The following SUMF1 variants were observed in gnomAD, a reference collection of about 807,000 sequenced individuals.
SUMF1 encodes the protein sulfatase modifying factor 1, also known as formylglycine-generating enzyme.
SUMF1 carries 48 observed loss-of-function variants against 47.6 expected under a neutral mutation model. That is an observed-to-expected ratio of 1.01 (90% CI 0.80 to 1.28). The LOEUF is 1.28. Ranked by LOEUF, SUMF1 falls within the 50% of genes most tolerant of loss-of-function variation. SUMF1 has a pLI of 0.00. For missense variants in SUMF1, 571 were observed against 485.4 expected, an observed-to-expected ratio of 1.18 and a Z score of -1.66; for synonymous variants, 230 against 192.1, an observed-to-expected ratio of 1.20 and a Z score of -1.63.
intron 3 of SUMF1, among the ~76,000 whole-genome samples, chr3:4,443,205 T>C (rs1017436326): frequency 6.6e-6 from 1 of 151,804 alleles, no homozygotes; most frequent in African/African-American, 2.4e-5. Flanking sequence ...TTGAGCCCAG[T>C]AGGTGGAGGG....
intron 9 of SUMF1, among the ~76,000 whole-genome samples, chr3:4,055,831 T>A (rs1695183182): frequency 6.6e-6 from 1 of 152,194 alleles, no homozygotes; most frequent in Non-Finnish European, 1.5e-5. Context: ...TTCACTGGGC[T>A]ATAATCAAGG....
intron 8 of SUMF1, among the ~76,000 whole-genome samples, chr3:4,095,056 T>C (rs1258410638): frequency 6.6e-6 from 1 of 152,138 alleles, no homozygotes; most frequent in Non-Finnish European, 1.5e-5. Context: ...AGTAAGGCAT[T>C]TCTAAATAGA....
At chr3:4,461,058 A>G (rs754793787) in intron 1 of SUMF1, among the ~76,000 whole-genome samples, 18 of 152,202 alleles carry the variant, frequency 1.2e-4, no homozygotes, top group Non-Finnish European at 2.1e-4. Flanking sequence ...AGCATGGTGC[A>G]TGGTCCACAG....
chr3:4,172,289 C>T (rs1343148727), intron 8 of SUMF1, among the ~76,000 whole-genome samples: 1 of 151,996 alleles, frequency 6.6e-6, no homozygotes, highest in African/African-American at 2.4e-5. Context: ...TGGTGTCAGT[C>T]CCACAATTAA....
chr3:4,294,191 C>A (rs1476207870), intron 8 of SUMF1, among the ~76,000 whole-genome samples: 1 of 152,072 alleles, frequency 6.6e-6, no homozygotes, highest in Non-Finnish European at 1.5e-5. Flanking sequence ...CTGTCCATAG[C>A]TATACGTAGC....
At chr3:4,316,862 G>C (rs1279382292) in intron 8 of SUMF1, 1 of 1,549,666 alleles carries the variant, frequency 6.5e-7, no homozygotes, top group East Asian at 2.4e-5. Flanking sequence ...TTACATCTGA[G>C]AAGTATGCTC....
At chr3:4,189,521 T>G (rs1695271110) in intron 8 of SUMF1, among the ~76,000 whole-genome samples, 1 of 152,114 alleles carries the variant, frequency 6.6e-6, no homozygotes, top group Non-Finnish European at 1.5e-5. Flanking sequence ...AACAAGATCA[T>G]GCTTAACCTA....
intron 8 of SUMF1, among the ~76,000 whole-genome samples, chr3:4,130,032 C>G (rs574629213): frequency 6.6e-6 from 1 of 152,124 alleles, no homozygotes; most frequent in Non-Finnish European, 1.5e-5. Context: ...AATAGTAAAT[C>G]AAAAACAATA....
intron 8 of SUMF1, among the ~76,000 whole-genome samples, chr3:4,322,314 A>G (rs1698854136): frequency 6.6e-6 from 1 of 152,076 alleles, no homozygotes; most frequent in South Asian, 2.1e-4. Context: ...GTATAATATC[A>G]TAGGTATGTA....
chr3:4,045,388 C>G (rs182911990), intron 9 of SUMF1, among the ~76,000 whole-genome samples: 2 of 151,548 alleles, frequency 1.3e-5, no homozygotes, highest in East Asian at 3.9e-4. Context: ...ATCCACCCAT[C>G]CATCCATCCA....
In SUMF1 at chr3:4,066,753, C is replaced by G. The variant is rs11920545; in HGVS notation, c.1191+1816G>C. Among the ~76,000 whole-genome samples the G allele has an allele frequency of 9.4e-3, 1,432 of 152,286 alleles. 25 individuals are homozygous for G. Among genetic ancestry groups the G allele is most frequent in the African/African-American group, 0.033 (1,374 of 41,554 alleles). ...CTGCAATATAACAAAGCCTTATCCC[C>G]TGGCAAAACTCATTGTTTCAGTGAT... On this transcript the variant is annotated intron_variant and NMD_transcript_variant, in intron 9 of 12. Transcript: ENST00000448413.
rs376667963 is a variant in SUMF1 at position 4,420,054 on chromosome 3, C to T, written c.602+10G>A. On this transcript the variant is annotated intron_variant, in intron 4 of 8. Coordinates refer to ENST00000272902, the MANE Select transcript of SUMF1 (RefSeq NM_182760.4). ...AACTTGTCAACTGGGGAAAGAGGGA[C>T]CAGCCTCACCTGTGCAGAATAGTAG... 1.9e-6 allele frequency: 3 copies of T among 1,613,382 alleles called. No homozygotes were observed. Among genetic ancestry groups the T allele is most frequent in the South Asian group, 1.1e-5 (1 of 91,062 alleles).
At chr3:4,212,897 A>C (rs1695830704) in intron 8 of SUMF1, among the ~76,000 whole-genome samples, 1 of 152,174 alleles carries the variant, frequency 6.6e-6, no homozygotes, top group South Asian at 2.1e-4. Context: ...AGCCTCCAAG[A>C]AATATGGGAC....
intron 7 of SUMF1, among the ~76,000 whole-genome samples, chr3:4,382,076 C>A (rs1314574916): frequency 3.3e-5 from 5 of 152,026 alleles, no homozygotes; most frequent in Non-Finnish European, 5.9e-5. Context: ...AACAAAAAAA[C>A]CTTCCTCAAG....
At chr3:4,042,366 T>A (rs1370920306) in intron 9 of SUMF1, among the ~76,000 whole-genome samples, 1 of 152,130 alleles carries the variant, frequency 6.6e-6, no homozygotes, top group African/African-American at 2.4e-5. Context: ...AAAACCCTGA[T>A]AAATAGAGCC....
chr3:4,303,258 G>A (rs1559210249), intron 8 of SUMF1: 1 of 1,240,276 alleles, frequency 8.1e-7, no homozygotes, highest in Non-Finnish European at 1.1e-6. Flanking sequence ...CCACTCCTGA[G>A]AAGAAACGAA....
intron 8 of SUMF1, among the ~76,000 whole-genome samples, chr3:4,069,684 G>T (rs953605937): frequency 1.3e-5 from 2 of 152,084 alleles, no homozygotes; most frequent in Admixed American, 6.6e-5. Context: ...CCTACCTAAG[G>T]GGTCTAGGGG....
At chr3:4,420,425 T>C (rs1157758256) in intron 3 of SUMF1, among the ~76,000 whole-genome samples, 2 of 147,884 alleles carry the variant, frequency 1.4e-5, no homozygotes, top group Non-Finnish European at 3.0e-5. Context: ...AGATGGAGTC[T>C]CGCTCTGTCG....
At chr3:4,346,846 G>T (rs1349176699) in intron 8 of SUMF1, among the ~76,000 whole-genome samples, 1 of 152,058 alleles carries the variant, frequency 6.6e-6, no homozygotes, top group East Asian at 1.9e-4. Context: ...AATGATAAAG[G>T]GGATATCACC....
Sources: allele counts gnomAD v4.1 joint callset (sites outside exome capture counted in the v4.1 genomes callset), GRCh38; gene constraint gnomAD v4.1.1; transcripts MANE v1.5; gene names NCBI Gene and HGNC (gene_info 2026-07-23, HGNC 2026-07-21).